KCNQ5: variants seen among roughly 807,000 people sequenced by gnomAD.
KCNQ5 encodes potassium voltage-gated channel subfamily KQT member 5.
KCNQ5 carries 30 observed loss-of-function variants against 98.2 expected under a neutral mutation model. That is an observed-to-expected ratio of 0.31 (90% confidence interval 0.23 to 0.41). The LOEUF (loss-of-function observed/expected upper bound fraction) is 0.41. Ranked by LOEUF, KCNQ5 falls within the 10% of genes least tolerant of loss-of-function variation. The probability of loss-of-function intolerance (pLI) is 1.00; values close to 1 mark genes in which losing one functional copy is unlikely to be tolerated. For synonymous variants in KCNQ5, 458 were observed against 449.4 expected, an observed-to-expected ratio of 1.02 and a Z score of -0.24; for missense variants, 835 against 1,182.5, an observed-to-expected ratio of 0.71 and a Z score of 4.31.
chr6:72,948,877 G>T (rs1272888362), intron 1 of KCNQ5, among the ~76,000 whole-genome samples: 1 of 152,100 alleles, frequency 6.6e-6, no homozygotes, highest in African/African-American at 2.4e-5. Context: ...CATATTTGTG[G>T]ATCAAAGGAA....
intron 1 of KCNQ5, among the ~76,000 whole-genome samples, chr6:72,838,689 G>T (rs1342468332): frequency 1.3e-5 from 2 of 151,616 alleles, no homozygotes; most frequent in Non-Finnish European, 2.9e-5. Flanking sequence ...GGTGGCTCAC[G>T]CCTGTAATCC....
intron 2 of KCNQ5, among the ~76,000 whole-genome samples, chr6:73,019,980 A>G (rs1214353972): frequency 6.6e-6 from 1 of 152,162 alleles, no homozygotes; most frequent in Non-Finnish European, 1.5e-5. Context: ...TTAATTCTTT[A>G]CCTTATCAGA....
intron 1 of KCNQ5, among the ~76,000 whole-genome samples, chr6:72,996,128 T>G (rs1198386754): frequency 6.6e-6 from 1 of 152,202 alleles, no homozygotes; most frequent in Non-Finnish European, 1.5e-5. Context: ...CTGTAAATAT[T>G]TGTGATTGAT....
In KCNQ5 at chr6:72,829,777, A is replaced by G. The variant is rs141767117; in HGVS notation, c.399-174131A>G. ...AAGGTGGAATGAATAGATGTTTGAGACAAAGTAAATTTTCAAGTTTACATA... is the reference window on the plus strand; with the variant it reads ...AAGGTGGAATGAATAGATGTTTGAGGCAAAGTAAATTTTCAAGTTTACATA... On this transcript the variant is annotated intron_variant, in intron 1 of 13. Transcript: ENST00000370398. Among the ~76,000 whole-genome samples the G allele has an allele frequency of 2.2e-3, 336 of 152,282 alleles. 2 individuals carry two copies. Among genetic ancestry groups the G allele is most frequent in the African/African-American group, 7.2e-3 (300 of 41,560 alleles).
chr6:72,691,485 A>G (rs975983646), intron 1 of KCNQ5, among the ~76,000 whole-genome samples: 1 of 152,180 alleles, frequency 6.6e-6, no homozygotes, highest in African/African-American at 2.4e-5. Context: ...AGTGGTTGCT[A>G]AGGGCAACTG....
At chr6:72,734,719 T>C (rs760209532) in intron 1 of KCNQ5, among the ~76,000 whole-genome samples, 1 of 152,184 alleles carries the variant, frequency 6.6e-6, no homozygotes, top group Non-Finnish European at 1.5e-5. Flanking sequence ...GTGGATGATG[T>C]TGCAATTTAT....
At chr6:72,637,254 GT>G (rs34457612) in intron 1 of KCNQ5, among the ~76,000 whole-genome samples, 7 of 150,706 alleles carry the variant, frequency 4.6e-5, no homozygotes, top group Admixed American at 2.0e-4. Flanking sequence ...CAAAAGTTGT[GT>G]TTTTTTTTAA....
intron 5 of KCNQ5, among the ~76,000 whole-genome samples, chr6:73,086,409 T>C (rs1773989561): frequency 6.6e-6 from 1 of 152,180 alleles, no homozygotes; most frequent in South Asian, 2.1e-4. Context: ...CCCCTCCAAC[T>C]GTGCCCTTAA....
intron 1 of KCNQ5, among the ~76,000 whole-genome samples, chr6:72,823,171 G>A (rs958495999): frequency 9.9e-5 from 15 of 152,186 alleles, no homozygotes; most frequent in African/African-American, 3.1e-4. Context: ...TTGAAACTAC[G>A]TGTAATACTT....
At chr6:72,882,063 A>G (rs1407815886) in intron 1 of KCNQ5, among the ~76,000 whole-genome samples, 2 of 152,096 alleles carry the variant, frequency 1.3e-5, no homozygotes, top group African/African-American at 4.8e-5. Context: ...AGGATTTTTG[A>G]TTGTTTATTC....
chr6:72,837,252 C>T (rs1485132498), intron 1 of KCNQ5, among the ~76,000 whole-genome samples: 2 of 152,100 alleles, frequency 1.3e-5, no homozygotes, highest in South Asian at 2.1e-4. Context: ...TTAATATGCT[C>T]CAGGTTCTAA....
intron 1 of KCNQ5, among the ~76,000 whole-genome samples, chr6:72,870,837 C>T (rs1488878581): frequency 1.3e-5 from 2 of 152,104 alleles, no homozygotes; most frequent in Non-Finnish European, 2.9e-5. Flanking sequence ...ATCATGATAA[C>T]TATAATTTAT....
At chr6:73,133,845 C>A in intron 10 of KCNQ5, 1 of 706,118 alleles carries the variant, frequency 1.4e-6, no homozygotes, top group Non-Finnish European at 2.6e-6. Flanking sequence ...ACCACTTTGG[C>A]AGCTAAATTT....
intron 8 of KCNQ5, 66 bp downstream of exon 8, chr6:73,120,643 C>T (rs1030734315): frequency 2.0e-6 from 2 of 976,812 alleles, no homozygotes; most frequent in African/African-American, 3.2e-5. Context: ...CAAACCATAC[C>T]CACACACACA....
chr6:72,703,009 T>A (rs1329367142), intron 1 of KCNQ5, among the ~76,000 whole-genome samples: 2 of 152,208 alleles, frequency 1.3e-5, no homozygotes, highest in African/African-American at 4.8e-5. Flanking sequence ...CACTGCCTTC[T>A]GTCCTCTGCG....
intron 1 of KCNQ5, among the ~76,000 whole-genome samples, chr6:72,674,502 G>A (rs1767306656): frequency 1.3e-5 from 2 of 152,028 alleles, no homozygotes; most frequent in African/African-American, 2.4e-5. Context: ...CGGGTATGGC[G>A]GCTCACACGT....
intron 1 of KCNQ5, among the ~76,000 whole-genome samples, chr6:72,924,752 A>G (rs1043421137): frequency 6.6e-6 from 1 of 152,066 alleles, no homozygotes; most frequent in African/African-American, 2.4e-5. Context: ...TTTGCCTACA[A>G]CTGAAGGATA....
chr6:72,883,128 A>C (rs1358469162), intron 1 of KCNQ5, among the ~76,000 whole-genome samples: 3 of 152,212 alleles, frequency 2.0e-5, no homozygotes, highest in African/African-American at 7.2e-5. Flanking sequence ...TATTCTTAAG[A>C]GGTGTCAAGT....
At chr6:73,129,832 C>T (rs1776151347) in intron 9 of KCNQ5, 1 of 1,612,916 alleles carries the variant, frequency 6.2e-7, no homozygotes, top group Non-Finnish European at 8.5e-7. Context: ...TCAGAATGTA[C>T]ACCTCACGGA....
Sources: gnomAD v4.1 joint callset for allele counts (sites outside exome capture counted in the v4.1 genomes callset) on GRCh38, gnomAD v4.1.1 for gene constraint, MANE v1.5 for transcripts, NCBI Gene and HGNC (gene_info 2026-07-23, HGNC 2026-07-21) for gene names.